Variants in FKBP5 observed in about 807,000 individuals in gnomAD.
FKBP5 encodes FKBP prolyl isomerase 5, also known as peptidyl-prolyl cis-trans isomerase FKBP5.
Under a neutral mutation model 50.5 loss-of-function variants are expected in FKBP5, and 23 were observed. The ratio of observed to expected loss-of-function variants is 0.46; its 90% CI spans 0.33 to 0.65. The LOEUF is 0.65. Ranked by LOEUF, FKBP5 falls within the 30% of genes least tolerant of loss-of-function variation. The pLI is 0.02. For synonymous variants in FKBP5, 176 were observed against 190.6 expected, an observed-to-expected ratio of 0.92 and a Z score of 0.63; for missense variants, 411 against 553.1, an observed-to-expected ratio of 0.74 and a Z score of 2.58.
At chr6:35,642,104 T>C (rs779170640) in intron 2 of FKBP5, among the ~76,000 whole-genome samples, 7 of 152,196 alleles carry the variant, frequency 4.6e-5, no homozygotes, top group African/African-American at 9.6e-5. Context: ...TGTCATTAGC[T>C]AGCTTTAGTG....
rs201186800 is a variant in FKBP5 at position 35,682,031 on chromosome 6, A to G, written c.-20+6773T>C. Among the ~76,000 whole-genome samples, 4 of 147,104 alleles carry G rather than the reference A, an allele frequency of 2.7e-5. No individual in the cohort carries two copies. The East Asian group carries it at 7.9e-4, about 29-fold the overall frequency. On this transcript the variant is annotated intron_variant, in intron 1 of 10. Transcript: ENST00000357266. ...TATGTCTTAACCTAACAATAACTCA[A>G]AAGAGAAACAAGTATCTCTCCATGT...
At chr6:35,643,645 C>G (rs957850847) in intron 1 of FKBP5, among the ~76,000 whole-genome samples, 1 of 152,300 alleles carries the variant, frequency 6.6e-6, no homozygotes, top group Middle Eastern at 3.4e-3. Flanking sequence ...ACCTCTACAA[C>G]AAACCCAGTG....
chr6:35,601,032 T>G (rs565564305), intron 5 of FKBP5, among the ~76,000 whole-genome samples: 1 of 152,196 alleles, frequency 6.6e-6, no homozygotes, highest in African/African-American at 2.4e-5. Flanking sequence ...AAACATTCAT[T>G]GTAGCTAGTC....
chr6:35,602,620 GC>G (rs1763179812), intron 5 of FKBP5, among the ~76,000 whole-genome samples: 1 of 151,776 alleles, frequency 6.6e-6, no homozygotes, highest in South Asian at 2.1e-4. Flanking sequence ...CCCTGAAAAA[GC>G]AAGCAGAGAT....
chr6:35,701,146 C>T (rs1340695355), intron 2 of FKBP5, among the ~76,000 whole-genome samples: 1 of 151,916 alleles, frequency 6.6e-6, no homozygotes, highest in Non-Finnish European at 1.5e-5. Flanking sequence ...GGGACACACA[C>T]TGAAAAATTA....
intron 1 of FKBP5, among the ~76,000 whole-genome samples, chr6:35,724,167 C>T (rs1247991147): frequency 6.6e-6 from 1 of 152,200 alleles, no homozygotes; most frequent in Non-Finnish European, 1.5e-5. Context: ...GTCACTGTCA[C>T]TGGGTGCTGC....
rs776731286 is a variant in FKBP5 at position 35,577,095 on chromosome 6, G to A, written c.1165C>T (p.Leu389=). 1 of 1,614,182 alleles carries A rather than the reference G, an allele frequency of 6.2e-7. No homozygotes were observed. The highest frequency in any genetic ancestry group is 8.5e-7 in the Non-Finnish European group (1 of 1,180,014). The change falls in exon 10 of 11, where the codon CTG becomes TTG. Residue 389 remains leucine (L), a synonymous_variant. Coordinates refer to ENST00000357266, the MANE Select transcript of FKBP5 (RefSeq NM_004117.4). The part of the protein sequence containing the change: ...EVNPQNKAAR[L]QISMCQKKAK... Reference sequence around the variant, plus strand: ...TTTTTCTGGCACATGGAGATCTGCAGTCTTGCAGCCTTATTCTGGGGGTTT... The same window carrying A: ...TTTTTCTGGCACATGGAGATCTGCAATCTTGCAGCCTTATTCTGGGGGTTT...
At chr6:35,642,636 C>G (rs1301302191) in intron 2 of FKBP5, 84 bp downstream of exon 2, 1 of 992,910 alleles carries the variant, frequency 1.0e-6, no homozygotes, top group African/African-American at 1.6e-5. Flanking sequence ...AAACATTATC[C>G]ACCCCAGCCC....
chr6:35,627,010 G>A (rs2150981909), intron 3 of FKBP5, among the ~76,000 whole-genome samples: 1 of 152,264 alleles, frequency 6.6e-6, no homozygotes, highest in Non-Finnish European at 1.5e-5. Flanking sequence ...AGAACTGCTA[G>A]ATCAACATGG....
intron 5 of FKBP5, among the ~76,000 whole-genome samples, chr6:35,612,211 C>T (rs1050745525): frequency 8.6e-5 from 13 of 151,956 alleles, no homozygotes; most frequent in African/African-American, 1.9e-4. Context: ...GCTAACATGA[C>T]GAAACCCCGT....
chr6:35,633,851 C>T (rs1764234213), intron 3 of FKBP5, among the ~76,000 whole-genome samples: 1 of 152,110 alleles, frequency 6.6e-6, no homozygotes, highest in South Asian at 2.1e-4. Context: ...CATGTTAACA[C>T]ACCACAAGGA....
chr6:35,713,592 G>A (rs893304824), intron 2 of FKBP5, among the ~76,000 whole-genome samples: 2 of 152,168 alleles, frequency 1.3e-5, no homozygotes, highest in Non-Finnish European at 2.9e-5. Context: ...AGAAGTCAGT[G>A]TAGGAGGCTG....
chr6:35,637,954 T>A (rs1764364531), intron 2 of FKBP5, among the ~76,000 whole-genome samples: 1 of 152,224 alleles, frequency 6.6e-6, no homozygotes, highest in Admixed American at 6.5e-5. Context: ...AAGCCCAATT[T>A]CCTGGTAAAA....
At chr6:35,605,712 G>C (rs1251459366) in intron 5 of FKBP5, among the ~76,000 whole-genome samples, 1 of 151,988 alleles carries the variant, frequency 6.6e-6, no homozygotes, top group Non-Finnish European at 1.5e-5. Flanking sequence ...ATATCATACT[G>C]AACGGGCAAA....
intron 8 of FKBP5, chr6:35,583,603 G>T: frequency 1.0e-6 from 1 of 973,096 alleles, no homozygotes; most frequent in South Asian, 4.7e-5. Context: ...ACACCTGGCA[G>T]GTCTGGAGGC....
At chr6:35,652,402 T>C (rs1159062611) in intron 1 of FKBP5, among the ~76,000 whole-genome samples, 5 of 152,118 alleles carry the variant, frequency 3.3e-5, no homozygotes, top group African/African-American at 9.7e-5. Context: ...CAAAAGCAAA[T>C]GGGAGAAATA....
intron 1 of FKBP5, among the ~76,000 whole-genome samples, chr6:35,723,157 C>T (rs1189934593): frequency 1.3e-5 from 2 of 152,024 alleles, no homozygotes; most frequent in East Asian, 1.9e-4. Context: ...TGCTTGAATC[C>T]GGGAGGCAGA....
chr6:35,647,503 A>G (rs1764662609), intron 1 of FKBP5, among the ~76,000 whole-genome samples: 1 of 152,238 alleles, frequency 6.6e-6, no homozygotes. Flanking sequence ...ACTACACAGC[A>G]GATGAGGTCA....
chr6:35,728,345 G>A (rs1242297546), intron 1 of FKBP5, among the ~76,000 whole-genome samples: 1 of 152,140 alleles, frequency 6.6e-6, no homozygotes, highest in Non-Finnish European at 1.5e-5. Flanking sequence ...GCCGGTTTGC[G>A]CATCCCTCTG....
Sources: allele counts gnomAD v4.1 joint callset (sites outside exome capture counted in the v4.1 genomes callset), GRCh38; gene constraint gnomAD v4.1.1; transcripts MANE v1.5; gene names NCBI Gene and HGNC (gene_info 2026-07-23, HGNC 2026-07-21).